CNTN6: variants seen among roughly 807,000 people sequenced by gnomAD.
CNTN6 encodes the protein contactin 6.
In CNTN6, 137 loss-of-function variants were observed where a neutral mutation model predicts 122.8. That is an observed-to-expected ratio of 1.12 (90% CI 0.97 to 1.29). The LOEUF (loss-of-function observed/expected upper bound fraction) is 1.29, where lower values mean the gene tolerates loss of function less well. Ranked by LOEUF, CNTN6 falls within the 50% of genes most tolerant of loss-of-function variation. The pLI, the probability that CNTN6 is intolerant of heterozygous loss-of-function variation, is 0.00. For missense variants in CNTN6, 1,634 were observed against 1,223.4 expected, an observed-to-expected ratio of 1.34 and a Z score of -5.01; for synonymous variants, 570 against 426.0, an observed-to-expected ratio of 1.34 and a Z score of -4.16.
intron 4 of CNTN6, among the ~76,000 whole-genome samples, chr3:1,266,298 T>C (rs1479856945): frequency 4.6e-5 from 7 of 152,160 alleles, no homozygotes; most frequent in Admixed American, 3.9e-4. Context: ...AAAATGCCGA[T>C]TGCAGCTGTG....
At chr3:1,288,849 G>T (rs1448416725) in intron 5 of CNTN6, among the ~76,000 whole-genome samples, 1 of 152,182 alleles carries the variant, frequency 6.6e-6, no homozygotes, top group East Asian at 1.9e-4. Context: ...GGGAAAAGAG[G>T]ATTTGTTGTA....
chr3:1,374,882 G>A (rs1395069268), intron 16 of CNTN6, among the ~76,000 whole-genome samples: 2 of 152,048 alleles, frequency 1.3e-5, no homozygotes, highest in East Asian at 1.9e-4. Context: ...TAGAATTGGG[G>A]CTAGAAAAAG....
intron 2 of CNTN6, among the ~76,000 whole-genome samples, chr3:1,160,405 C>A (rs934274858): frequency 7.4e-6 from 1 of 135,724 alleles, no homozygotes; most frequent in Non-Finnish European, 1.6e-5. Flanking sequence ...TGTATTCTTT[C>A]ATTTCTGGCT....
At chr3:1,171,206 G>A (rs577605174) in intron 2 of CNTN6, among the ~76,000 whole-genome samples, 3 of 152,206 alleles carry the variant, frequency 2.0e-5, no homozygotes, top group African/African-American at 7.2e-5. Flanking sequence ...AAATGGACAG[G>A]GGGTCATGCT....
At chr3:1,386,941 A>T (rs1244493436) in intron 20 of CNTN6, among the ~76,000 whole-genome samples, 1 of 151,950 alleles carries the variant, frequency 6.6e-6, no homozygotes, top group Admixed American at 6.6e-5. Context: ...AAAAGAAGTT[A>T]GTTAGGAACC....
chr3:1,193,057 G>A (rs966347926), intron 2 of CNTN6, among the ~76,000 whole-genome samples: 38 of 152,100 alleles, frequency 2.5e-4, no homozygotes, highest in Middle Eastern at 3.2e-3. Context: ...TATGTTACAT[G>A]TACATTAATT....
intron 20 of CNTN6, among the ~76,000 whole-genome samples, chr3:1,399,704 T>G (rs1483349222): frequency 6.6e-6 from 1 of 152,072 alleles, no homozygotes; most frequent in Admixed American, 6.6e-5. Flanking sequence ...CCTGAACAGT[T>G]TTCCTTAGCC....
intron 4 of CNTN6, among the ~76,000 whole-genome samples, chr3:1,247,664 T>G (rs1020217432): frequency 2.0e-5 from 3 of 152,184 alleles, no homozygotes; most frequent in African/African-American, 7.2e-5. Flanking sequence ...ATAATCACCC[T>G]GAGTATAAAA....
chr3:1,287,973 C>G (rs760183150), intron 5 of CNTN6, among the ~76,000 whole-genome samples: 14 of 152,008 alleles, frequency 9.2e-5, no homozygotes, highest in Admixed American at 3.3e-4. Context: ...CTACTTTCCT[C>G]ATAAACTTGC....
chr3:1,097,775 T>C (rs2090611068), intron 1 of CNTN6, among the ~76,000 whole-genome samples: 2 of 152,204 alleles, frequency 1.3e-5, no homozygotes, highest in South Asian at 4.1e-4. Flanking sequence ...AAGCACTCTA[T>C]GTGTTAGTTG....
At chr3:1,225,798 T>G (rs977631506) in intron 3 of CNTN6, among the ~76,000 whole-genome samples, 1 of 150,722 alleles carries the variant, frequency 6.6e-6, no homozygotes, top group African/African-American at 2.4e-5. Context: ...TCTAGGCAAA[T>G]GAAATGTACT....
intron 5 of CNTN6, among the ~76,000 whole-genome samples, chr3:1,294,815 C>A (rs1198936889): frequency 6.6e-6 from 1 of 152,140 alleles, no homozygotes; most frequent in Non-Finnish European, 1.5e-5. Context: ...CCCTATAATG[C>A]CTTTGTCAAA....
intron 2 of CNTN6, among the ~76,000 whole-genome samples, chr3:1,166,307 G>C (rs1489284933): frequency 1.3e-5 from 2 of 152,092 alleles, no homozygotes; most frequent in African/African-American, 2.4e-5. Context: ...TAAGCCACTT[G>C]CCCAATGTCA....
At chr3:1,226,128 C>T (rs530633919) in intron 3 of CNTN6, among the ~76,000 whole-genome samples, 1 of 152,262 alleles carries the variant, frequency 6.6e-6, no homozygotes, top group African/African-American at 2.4e-5. Context: ...ATCTGCCCAC[C>T]ACGGCCTCCC....
intron 1 of CNTN6, among the ~76,000 whole-genome samples, chr3:1,097,201 C>T (rs931637534): frequency 6.6e-6 from 1 of 152,154 alleles, no homozygotes; most frequent in East Asian, 1.9e-4. Flanking sequence ...CTGATAATGT[C>T]CCCTATTAGT....
At chr3:1,214,294 TGGATGTC>T (rs1354065731) in intron 2 of CNTN6, among the ~76,000 whole-genome samples, 52 of 143,646 alleles carry the variant, frequency 3.6e-4, no homozygotes, top group African/African-American at 1.3e-3. Context: ...ATGTGTTTGT[TGGATGTC>T]TTTTTTTTTT....
intron 2 of CNTN6, among the ~76,000 whole-genome samples, chr3:1,186,372 ACT>A (rs2093628130): frequency 6.6e-6 from 1 of 151,582 alleles, no homozygotes; most frequent in East Asian, 1.9e-4. Flanking sequence ...CACTGCAACT[ACT>A]CTCTCATAAT....
Position 1,161,682 on chromosome 3 carries a change from T to C in CNTN6, c.55+13619T>C, listed in dbSNP as rs913982843. Among the ~76,000 whole-genome samples the C allele has an allele frequency of 2.6e-5, 4 of 151,854 alleles. No homozygotes were observed. In the South Asian group the frequency reaches 8.3e-4, roughly 32 times the overall value. ...TTATTAGTGGAAGTATGCCATGTTT[T>C]GCAGATTTATTCGGTACAAAAAACA... is the stretch of plus-strand genomic sequence containing the variant. On this transcript the variant is annotated intron_variant, in intron 2 of 22. Transcript: ENST00000446702.
intron 7 of CNTN6, among the ~76,000 whole-genome samples, chr3:1,313,240 A>T (rs1699642539): frequency 6.6e-6 from 1 of 152,126 alleles, no homozygotes; most frequent in African/African-American, 2.4e-5. Flanking sequence ...GTGCAGTATC[A>T]TATTCAGCTC....
Sources: gnomAD v4.1 joint callset for allele counts (sites outside exome capture counted in the v4.1 genomes callset) on GRCh38, gnomAD v4.1.1 for gene constraint, MANE v1.5 for transcripts, NCBI Gene and HGNC (gene_info 2026-07-23, HGNC 2026-07-21) for gene names.